PRMT3: variants seen among roughly 807,000 people sequenced by gnomAD.
PRMT3 encodes protein arginine N-methyltransferase 3.
A neutral mutation model predicts 71.9 loss-of-function variants in PRMT3; 62 were observed. The observed-to-expected ratio is 0.86, with a 90% CI of 0.70 to 1.07. PRMT3 has a LOEUF of 1.07. Ranked by LOEUF, PRMT3 falls within the 50% of genes least tolerant of loss-of-function variation. The pLI is 0.00. For missense variants in PRMT3, 663 were observed against 643.0 expected (o/e 1.03, Z -0.34); for synonymous variants, 213 against 220.4 (o/e 0.97, Z 0.30).
chr11:20,397,516 C>G (rs925196174), intron 6 of PRMT3, 61 bp from the exon 7 acceptor site: 2 of 1,554,310 alleles, frequency 1.3e-6, no homozygotes, highest in African/African-American at 1.4e-5. Context: ...CAACCTCTAG[C>G]CTTTCCTTTA....
intron 10 of PRMT3, among the ~76,000 whole-genome samples, chr11:20,447,349 T>C (rs1850053376): frequency 6.6e-6 from 1 of 151,996 alleles, no homozygotes; most frequent in African/African-American, 2.4e-5. Context: ...GTGGGTTGGG[T>C]GGGGACAATG....
intron 13 of PRMT3, among the ~76,000 whole-genome samples, chr11:20,486,646 T>C (rs1454733435): frequency 1.3e-5 from 2 of 151,896 alleles, no homozygotes; most frequent in Non-Finnish European, 2.9e-5. Context: ...GAGAGGAACA[T>C]TGTAATCAGA....
chr11:20,464,405 T>G, intron 12 of PRMT3, 55 bp from the exon 13 acceptor site: 1 of 1,529,608 alleles, frequency 6.5e-7, no homozygotes, highest in South Asian at 1.2e-5. Flanking sequence ...TTTTTTGTTT[T>G]TTTTTTTTGG....
intron 10 of PRMT3, among the ~76,000 whole-genome samples, chr11:20,451,919 A>AT (rs1850157798): frequency 6.6e-6 from 1 of 152,192 alleles, no homozygotes; most frequent in Non-Finnish European, 1.5e-5. Context: ...ATATTTTACC[A>AT]CAATAAACTT....
chr11:20,467,307 G>T (rs376737443), intron 13 of PRMT3, among the ~76,000 whole-genome samples: 1 of 152,156 alleles, frequency 6.6e-6, no homozygotes. Flanking sequence ...CACTTTAAAA[G>T]CATTATTTAG....
chr11:20,433,246 C>T (rs535902338), intron 10 of PRMT3, among the ~76,000 whole-genome samples: 1 of 152,156 alleles, frequency 6.6e-6, no homozygotes, highest in Admixed American at 6.5e-5. Flanking sequence ...CTGTTGTTCC[C>T]TTCTCGTATT....
rs1253938723 is a variant in PRMT3 at position 20,395,999 on chromosome 11, T to G, written c.560+37T>G. ...ATCTTGCAAAATTAATTGTTTTAGA[T>G]CTCCAGAATAATACAACCTAATGGC... On this transcript the variant is annotated intron_variant, in intron 6 of 15. Transcript: ENST00000331079. The G allele has an allele frequency of 3.1e-6, 5 of 1,598,306 alleles. No individual in the cohort carries two copies. The African/African-American group carries it at 6.7e-5, about 21-fold the overall frequency.
chr11:20,482,737 T>C (rs1850968911), intron 13 of PRMT3, among the ~76,000 whole-genome samples: 1 of 152,106 alleles, frequency 6.6e-6, no homozygotes, highest in Non-Finnish European at 1.5e-5. Context: ...TAAGATCTTC[T>C]AAAAATCCTG....
intron 13 of PRMT3, among the ~76,000 whole-genome samples, chr11:20,486,528 A>G (rs928795613): frequency 6.6e-6 from 1 of 152,144 alleles, no homozygotes; most frequent in Non-Finnish European, 1.5e-5. Context: ...TGAAGAAACA[A>G]AACATCTCAG....
At chr11:20,426,250 G>A (rs532960217) in intron 9 of PRMT3, among the ~76,000 whole-genome samples, 5 of 152,274 alleles carry the variant, frequency 3.3e-5, no homozygotes, top group South Asian at 4.1e-4. Context: ...AGCCTGTGAC[G>A]TAAATAGGGT....
rs763227380 is a variant in PRMT3 at position 20,388,002 on chromosome 11, TTG to T, written c.29-5_29-4del. The stretch of plus-strand genomic sequence containing the variant: ...CCGGTGTCCGAGGCCGATCTGATTG[TTG>T]TGTGTGTGTGTTAGGCGGCCGGGGC... On this transcript the variant is annotated splice_polypyrimidine_tract_variant and intron_variant, in intron 1 of 15. Transcript: ENST00000331079. 44 of 1,607,902 alleles carry T rather than the reference TTG, an allele frequency of 2.7e-5. No homozygotes were observed. The highest frequency in any genetic ancestry group is 1.7e-4 in the Admixed American group (10 of 59,776).
chr11:20,438,900 G>C (rs1849821589), intron 10 of PRMT3, among the ~76,000 whole-genome samples: 2 of 152,172 alleles, frequency 1.3e-5, no homozygotes, highest in South Asian at 4.1e-4. Context: ...TGCAGCTCCA[G>C]CTTGAGGGGG....
intron 15 of PRMT3, among the ~76,000 whole-genome samples, chr11:20,500,724 A>G (rs1851438831): frequency 6.6e-6 from 1 of 152,244 alleles, no homozygotes; most frequent in African/African-American, 2.4e-5. Flanking sequence ...TAACATACAT[A>G]AAAACTAAGT....
chr11:20,407,534 C>A (rs1590040836), intron 8 of PRMT3: 1 of 159,216 alleles, frequency 6.3e-6, no homozygotes, highest in Non-Finnish European at 1.4e-5. Context: ...CCCAGACAGG[C>A]CATGTGTTCA....
intron 13 of PRMT3, among the ~76,000 whole-genome samples, chr11:20,467,144 T>A (rs1420747576): frequency 1.3e-5 from 2 of 152,166 alleles, no homozygotes; most frequent in African/African-American, 4.8e-5. Context: ...ATTTATTGGA[T>A]GCATGCCAGG....
intron 15 of PRMT3, among the ~76,000 whole-genome samples, chr11:20,507,514 G>T (rs574075203): frequency 3.6e-4 from 55 of 152,344 alleles, no homozygotes; most frequent in African/African-American, 1.1e-3. Context: ...AGTGGCTTAC[G>T]CCTGTAATCC....
chr11:20,464,694 T>C, intron 13 of PRMT3, 148 bp downstream of exon 13: 1 of 1,280,138 alleles, frequency 7.8e-7, no homozygotes, highest in Non-Finnish European at 1.0e-6. Flanking sequence ...ATTGAACAGA[T>C]CTGGTTAATA....
intron 10 of PRMT3, among the ~76,000 whole-genome samples, chr11:20,447,120 TAG>T (rs1217895835): frequency 6.6e-6 from 1 of 152,130 alleles, no homozygotes; most frequent in South Asian, 2.1e-4. Context: ...GTGAAATAAA[TAG>T]AGATTGCATT....
intron 9 of PRMT3, among the ~76,000 whole-genome samples, chr11:20,419,168 G>A (rs1180301821): frequency 6.6e-6 from 1 of 152,134 alleles, no homozygotes; most frequent in South Asian, 2.1e-4. Flanking sequence ...GTTGTGGTTG[G>A]TATTATCCAC....
Sources: allele counts gnomAD v4.1 joint callset (sites outside exome capture counted in the v4.1 genomes callset), GRCh38; gene constraint gnomAD v4.1.1; transcripts MANE v1.5; gene names NCBI Gene and HGNC (gene_info 2026-07-23, HGNC 2026-07-21).